Variants in NFU1 observed in about 807,000 individuals in gnomAD.
NFU1 encodes the protein NFU1 iron-sulfur cluster scaffold.
Under a neutral mutation model 32.2 loss-of-function variants are expected in NFU1, and 30 were observed. The observed-to-expected ratio is 0.93, with a 90% confidence interval of 0.70 to 1.26. The LOEUF is 1.26. Ranked by LOEUF, NFU1 falls within the 50% of genes most tolerant of loss-of-function variation. The pLI, the probability that NFU1 is intolerant of heterozygous loss-of-function variation, is 0.00. For synonymous variants in NFU1, 112 were observed against 104.6 expected (o/e 1.07, Z -0.43); for missense variants, 306 against 306.6 (o/e 1.00, Z 0.02).
chr2:69,422,144 G>C (rs1304197335), intron 3 of NFU1, among the ~76,000 whole-genome samples: 1 of 152,088 alleles, frequency 6.6e-6, no homozygotes, highest in Non-Finnish European at 1.5e-5. Flanking sequence ...ATGCAGCGAG[G>C]GTGGTGGGGG....
rs1251743712 is a variant in NFU1 at position 69,406,233 on chromosome 2, G to C, written c.485-151C>G. 5.0e-6 allele frequency: 3 copies of C among 595,938 alleles called. No individual in the cohort carries two copies. In the Admixed American group the frequency reaches 9.3e-5, roughly 18 times the overall value. The allele number at this position is 595,938 out of a possible 1,614,324, so 36.9% of individuals were successfully genotyped here. Reference sequence around the variant, plus strand: ...TAACTTGGTATGGAGATATATTTTGGGAAATTGATGACAGAAACATTCATT... The same window carrying C: ...TAACTTGGTATGGAGATATATTTTGCGAAATTGATGACAGAAACATTCATT... On this transcript the variant is annotated intron_variant, in intron 5 of 7. Coordinates refer to ENST00000410022, the MANE Select transcript of NFU1 (RefSeq NM_001002755.4).
chr2:69,405,897 T>C, intron 6 of NFU1, 125 bp downstream of exon 6: 2 of 689,108 alleles, frequency 2.9e-6, no homozygotes, highest in Admixed American at 2.3e-5. Flanking sequence ...CTACCTGTTG[T>C]GGTTTACATT....
At chr2:69,432,232 T>C (rs1315854220) in intron 1 of NFU1, among the ~76,000 whole-genome samples, 3 of 152,242 alleles carry the variant, frequency 2.0e-5, no homozygotes, top group East Asian at 3.8e-4. Flanking sequence ...TGGAAATTCC[T>C]ACCCTTGATA....
At chr2:69,414,338 T>C (rs1228941447) in intron 5 of NFU1, among the ~76,000 whole-genome samples, 2 of 151,900 alleles carry the variant, frequency 1.3e-5, no homozygotes, top group South Asian at 2.1e-4. Context: ...ATATTTAAGG[T>C]TAGGCACGGT....
intron 7 of NFU1, among the ~76,000 whole-genome samples, chr2:69,398,509 T>G (rs879529512): frequency 2.0e-5 from 3 of 152,236 alleles, no homozygotes; most frequent in Non-Finnish European, 2.9e-5. Context: ...AAAATAATCT[T>G]GATGTTATCC....
downstream of NFU1, chr2:69,396,117 A>G (rs557478649): frequency 1.3e-6 from 1 of 753,892 alleles, no homozygotes; most frequent in East Asian, 2.6e-5. Flanking sequence ...CAAACATGCA[A>G]TATTTATATA....
chr2:69,421,636 C>G (rs892224218), intron 3 of NFU1, among the ~76,000 whole-genome samples: 9 of 133,140 alleles, frequency 6.8e-5, no homozygotes, highest in African/African-American at 2.3e-4. Flanking sequence ...GGCGCTATCT[C>G]GGCTCACTGC....
At chr2:69,413,271 G>A (rs1337524800) in intron 5 of NFU1, among the ~76,000 whole-genome samples, 1 of 143,770 alleles carries the variant, frequency 7.0e-6, no homozygotes, top group East Asian at 2.0e-4. Flanking sequence ...GGCAACAAGA[G>A]CGAAACTCCG....
chr2:69,423,454 T>G, intron 3 of NFU1, 128 bp downstream of exon 3: 1 of 823,112 alleles, frequency 1.2e-6, no homozygotes, highest in East Asian at 2.7e-5. Flanking sequence ...TGAAAAGAAA[T>G]TATTTTCTAC....
intron 2 of NFU1, among the ~76,000 whole-genome samples, chr2:69,426,790 A>T (rs2104802030): frequency 6.6e-6 from 1 of 151,880 alleles, no homozygotes; most frequent in South Asian, 2.1e-4. Context: ...ATCATAATGA[A>T]GGGGGCAGTG....
chr2:69,437,132 T>C (rs932046560), intron 1 of NFU1: 13 of 917,900 alleles, frequency 1.4e-5, no homozygotes, highest in East Asian at 2.7e-5. Context: ...ACTGGGTCTC[T>C]GAGCCTGAGA....
intron 7 of NFU1, among the ~76,000 whole-genome samples, chr2:69,397,914 CA>C (rs56659765): frequency 0.14 from 15,011 of 107,216 alleles, 741 homozygotes; most frequent in Non-Finnish European, 0.17. Flanking sequence ...AACTACGTCT[CA>C]AAAAAAAAAA....
At chr2:69,437,764 G>C, upstream of NFU1, 1 of 445,544 alleles carries the variant, frequency 2.2e-6, no homozygotes, top group South Asian at 2.1e-5. Context: ...CCCTAAACCT[G>C]ACCCATTCCC....
rs550558240 is a variant in NFU1, at chr2:69,397,619, A to T, written c.721-1329T>A. On this transcript the variant is annotated intron_variant, in intron 7 of 7. Coordinates refer to ENST00000410022, the MANE Select transcript of NFU1 (RefSeq NM_001002755.4). ...GGAACAAAGTAAGGTTTTTTTTTTT[A>T]AAAAAAATCTAGGCCAGGCACAGTG... is the stretch of plus-strand genomic sequence containing the variant. 6.0e-3 allele frequency among the ~76,000 whole-genome samples: 669 copies of T among 111,402 alleles called. 5 individuals are homozygous for T. The highest frequency in any genetic ancestry group is 8.8e-3 in the Non-Finnish European group (421 of 47,600). The allele number at this position is 111,402 out of a possible 152,430, so 73.1% of individuals were successfully genotyped here.
chr2:69,399,161 T>C (rs1473258931), intron 7 of NFU1: 2 of 264,700 alleles, frequency 7.6e-6, no homozygotes, highest in Non-Finnish European at 1.5e-5. Flanking sequence ...TGAGCCGAGA[T>C]AGCGTGTCAC....
chr2:69,419,501 G>T (rs748373355), intron 4 of NFU1, 37 bp downstream of exon 4: 1 of 1,096,004 alleles, frequency 9.1e-7, no homozygotes, highest in South Asian at 1.4e-5. Flanking sequence ...AAAATGAAGA[G>T]TATTTCAAGT....
At position 69,425,591 on chromosome 2, in the gene NFU1, G is replaced by A. The variant is rs183937219; in HGVS notation, c.167-1874C>T. 2.1e-3 allele frequency among the ~76,000 whole-genome samples: 326 copies of A among 152,034 alleles called. 3 individuals carry two copies. The highest frequency in any genetic ancestry group is 8.5e-3 in the Admixed American group (129 of 15,260). On this transcript the variant is annotated intron_variant, in intron 2 of 7. Coordinates refer to ENST00000410022, the MANE Select transcript of NFU1 (RefSeq NM_001002755.4). Reference sequence around the variant, plus strand: ...GCTGGTCTCAAACTCCTGACCTCACGTGATCCACCCACCTCAGCCTCCCAA... The same window carrying A: ...GCTGGTCTCAAACTCCTGACCTCACATGATCCACCCACCTCAGCCTCCCAA...
rs76646410 is a variant in NFU1, at chr2:69,431,917, C to A, written c.151G>T (p.Ala51Ser). Residue 51 changes from alanine to serine, a missense_variant, in exon 2 of 8, where the codon GCC (alanine) becomes TCC (serine). By Grantham distance (99) the Ala-to-Ser change is moderately conservative (BLOSUM62 1). Transcript: ENST00000410022. ...GAAATTTTACCTGGGTGATAAAAGGCTGCAGGTAGTGGGAAAAGTGGTCTT... is the reference window on the plus strand; with the variant it reads ...GAAATTTTACCTGGGTGATAAAAGGATGCAGGTAGTGGGAAAAGTGGTCTT... ...VQRPLFPLPA[A>S]FYHPVRYMFI... 3,632 of 1,611,086 alleles carry A rather than the reference C, an allele frequency of 2.3e-3. 78 individuals carry two copies. In the African/African-American group the frequency reaches 0.044, roughly 19 times the overall value.
At position 69,421,291 on chromosome 2, in the gene NFU1, A is replaced by C. The variant is rs548032239; in HGVS notation, c.303-1687T>G. Among the ~76,000 whole-genome samples, 4 of 152,232 alleles carry C rather than the reference A, an allele frequency of 2.6e-5. No individual in the cohort carries two copies. The East Asian group carries it at 7.7e-4, about 29-fold the overall frequency. ...TATATTCTGAGAAGTGATATGTTTAAGAAAAAAAAAGTACCTATTAATTAT... is the reference window on the plus strand; with the variant it reads ...TATATTCTGAGAAGTGATATGTTTACGAAAAAAAAAGTACCTATTAATTAT... On this transcript the variant is annotated intron_variant, in intron 3 of 7. Transcript: ENST00000410022.
Sources: allele counts gnomAD v4.1 joint callset (sites outside exome capture counted in the v4.1 genomes callset), GRCh38; gene constraint gnomAD v4.1.1; transcripts MANE v1.5; gene names NCBI Gene and HGNC (gene_info 2026-07-23, HGNC 2026-07-21).